ALOX5: variants seen among roughly 807,000 people sequenced by gnomAD.
The protein encoded by ALOX5 is polyunsaturated fatty acid 5-lipoxygenase.
ALOX5 carries 64 observed loss-of-function variants against 87.9 expected under a neutral mutation model. The ratio of observed to expected loss-of-function variants is 0.73; its 90% CI spans 0.60 to 0.90. The LOEUF is 0.90. Among genes scored for constraint, ALOX5 ranks in the 40% least tolerant of loss-of-function variants. The pLI is 0.00. For synonymous variants in ALOX5, 388 were observed against 355.1 expected (o/e 1.09, Z -1.04); for missense variants, 822 against 907.5 (o/e 0.91, Z 1.21).
intron 2 of ALOX5, among the ~76,000 whole-genome samples, chr10:45,387,789 G>T (rs1840057823): frequency 6.6e-6 from 1 of 152,232 alleles, no homozygotes; most frequent in Admixed American, 6.5e-5. Context: ...CACAGGAGTT[G>T]AGTTTTATGT....
intron 4 of ALOX5, among the ~76,000 whole-genome samples, chr10:45,414,115 A>G (rs1841175526): frequency 6.6e-6 from 1 of 152,238 alleles, no homozygotes; most frequent in African/African-American, 2.4e-5. Flanking sequence ...ACCAAAAAAG[A>G]GCCCGCATTG....
intron 3 of ALOX5, among the ~76,000 whole-genome samples, chr10:45,397,784 AAGT>A (rs1169107827): frequency 4.6e-5 from 7 of 152,396 alleles, no homozygotes; most frequent in African/African-American, 1.4e-4. Context: ...AAATTTAACA[AAGT>A]AGTCTGAGAC....
chr10:45,374,714 C>A (rs1423145742), intron 1 of ALOX5, among the ~76,000 whole-genome samples: 4 of 152,208 alleles, frequency 2.6e-5, no homozygotes, highest in Non-Finnish European at 5.9e-5. Context: ...AGGCGTCTTC[C>A]CTGGGAGGAG....
intron 4 of ALOX5, among the ~76,000 whole-genome samples, chr10:45,413,895 C>T (rs1241329149): frequency 6.6e-6 from 1 of 152,000 alleles, no homozygotes; most frequent in Non-Finnish European, 1.5e-5. Context: ...ATGTGAAGGA[C>T]CTCTTCAAGG....
At chr10:45,444,631 T>C in intron 13 of ALOX5, 1 of 301,490 alleles carries the variant, frequency 3.3e-6, no homozygotes, top group Non-Finnish European at 6.1e-6. Flanking sequence ...CTGGGTTCCT[T>C]CCGGACACGT....
chr10:45,433,033 G>A (rs892572926), intron 7 of ALOX5, among the ~76,000 whole-genome samples: 1 of 152,212 alleles, frequency 6.6e-6, no homozygotes, highest in Non-Finnish European at 1.5e-5. Context: ...AAATGTAAAT[G>A]GGCAACCAGC....
chr10:45,423,389 G>C (rs769950573), intron 4 of ALOX5, among the ~76,000 whole-genome samples: 51 of 152,316 alleles, frequency 3.3e-4, no homozygotes, highest in Admixed American at 9.8e-4. Flanking sequence ...CACTCTGCAG[G>C]GTTATGGAGG....
At chr10:45,429,870 G>A (rs1343100826) in intron 7 of ALOX5, among the ~76,000 whole-genome samples, 6 of 152,162 alleles carry the variant, frequency 3.9e-5, no homozygotes, top group African/African-American at 1.4e-4. Context: ...ATCCTAGGTA[G>A]TGGGCTCTAT....
intron 3 of ALOX5, among the ~76,000 whole-genome samples, chr10:45,411,479 A>C (rs1460810226): frequency 6.6e-6 from 1 of 152,204 alleles, no homozygotes; most frequent in Non-Finnish European, 1.5e-5. Context: ...CAAAATAAAC[A>C]TTTTTCAAAA....
intron 4 of ALOX5, among the ~76,000 whole-genome samples, chr10:45,419,560 C>T (rs959435090): frequency 5.3e-5 from 8 of 152,216 alleles, no homozygotes; most frequent in African/African-American, 1.4e-4. Context: ...GACCCAGCTA[C>T]ATGGATGGCA....
intron 4 of ALOX5, among the ~76,000 whole-genome samples, chr10:45,414,913 A>G (rs1223688152): frequency 2.0e-5 from 3 of 152,228 alleles, no homozygotes; most frequent in Non-Finnish European, 2.9e-5. Flanking sequence ...TAGAATGGCA[A>G]TCATTAAAAA....
At chr10:45,391,358 G>A (rs1239611453) in intron 2 of ALOX5, among the ~76,000 whole-genome samples, 2 of 152,318 alleles carry the variant, frequency 1.3e-5, no homozygotes, top group South Asian at 4.1e-4. Flanking sequence ...GCCTCCCGAG[G>A]TGCCGGGATT....
chr10:45,437,308 A>G (rs564205684), intron 7 of ALOX5, among the ~76,000 whole-genome samples: 1 of 152,214 alleles, frequency 6.6e-6, no homozygotes, highest in Non-Finnish European at 1.5e-5. Context: ...AGCTGCGATC[A>G]CACCACTGCA....
chr10:45,400,869 TATA>T (rs145063345), intron 3 of ALOX5, among the ~76,000 whole-genome samples: 3,413 of 152,296 alleles, frequency 0.022, 121 homozygotes, highest in African/African-American at 0.078. Context: ...AGAATTGGGT[TATA>T]ATGATGGTTA....
intron 1 of ALOX5, 43 bp downstream of exon 1, chr10:45,374,472 G>C: frequency 2.7e-6 from 4 of 1,469,896 alleles, no homozygotes; most frequent in Non-Finnish European, 3.6e-6. Context: ...GCTGAGGTGC[G>C]TCCGGGACCC....
chr10:45,415,538 C>G (rs951133744), intron 4 of ALOX5, among the ~76,000 whole-genome samples: 9 of 151,950 alleles, frequency 5.9e-5, no homozygotes, highest in African/African-American at 2.2e-4. Flanking sequence ...TGTAACAATC[C>G]TGCACGTTGT....
At chr10:45,441,278 G>A (rs1329921056) in intron 8 of ALOX5, 66 bp from the exon 9 acceptor site, 34 of 1,434,084 alleles carry the variant, frequency 2.4e-5, no homozygotes, top group East Asian at 1.4e-4. Context: ...GGGGAGCTGC[G>A]GGTCCCTGAG....
intron 1 of ALOX5, among the ~76,000 whole-genome samples, chr10:45,378,898 A>G (rs1190563427): frequency 6.6e-6 from 1 of 152,182 alleles, no homozygotes; most frequent in Non-Finnish European, 1.5e-5. Context: ...TCCCTGTCAG[A>G]TGGCAGATGG....
At chr10:45,436,110 ATGG>A (rs1842055192) in intron 7 of ALOX5, among the ~76,000 whole-genome samples, 1 of 151,938 alleles carries the variant, frequency 6.6e-6, no homozygotes. Context: ...CCACTTTTTA[ATGG>A]TGGTGTTTTT....
Sources: gnomAD v4.1 joint callset for allele counts (sites outside exome capture counted in the v4.1 genomes callset) on GRCh38, gnomAD v4.1.1 for gene constraint, MANE v1.5 for transcripts, NCBI Gene and HGNC (gene_info 2026-07-23, HGNC 2026-07-21) for gene names.